The following ADAMTS17 variants were observed in gnomAD, a reference collection of about 807,000 sequenced individuals.
ADAMTS17 encodes A disintegrin and metalloproteinase with thrombospondin motifs 17.
Under a neutral mutation model 141.5 loss-of-function variants are expected in ADAMTS17, and 113 were observed. That is an observed-to-expected ratio of 0.80 (90% confidence interval 0.69 to 0.93). The LOEUF is 0.93. Ranked by LOEUF, ADAMTS17 falls within the 40% of genes least tolerant of loss-of-function variation. The pLI, the probability that ADAMTS17 is intolerant of heterozygous loss-of-function variation, is 0.00. For missense variants in ADAMTS17, 1,659 were observed against 1,517.9 expected (o/e 1.09, Z -1.54); for synonymous variants, 768 against 630.6 (o/e 1.22, Z -3.27).
chr15:99,974,371 CTGAGCTT>C lies in ADAMTS17; in HGVS notation c.*24_*30del. The C allele has an allele frequency of 6.2e-7, 1 of 1,613,736 alleles. No homozygotes were observed. Among genetic ancestry groups the C allele is most frequent in the Non-Finnish European group, 8.5e-7 (1 of 1,180,016 alleles). On this transcript the variant is annotated 3_prime_UTR_variant, in exon 22 of 22. Coordinates refer to ENST00000268070, the MANE Select transcript of ADAMTS17 (RefSeq NM_139057.4). Reference sequence around the variant, plus strand: ...GGGTGGGTGGGTTTCAGACCTGAGTCTGAGCTTTGAGCGACCCTTGGGACTGCGTGTC... The same window carrying C: ...GGGTGGGTGGGTTTCAGACCTGAGTCTGAGCGACCCTTGGGACTGCGTGTC...
At chr15:100,287,149 C>A (rs139422075) in intron 3 of ADAMTS17, among the ~76,000 whole-genome samples, 1 of 152,106 alleles carries the variant, frequency 6.6e-6, no homozygotes, top group Non-Finnish European at 1.5e-5. Flanking sequence ...GATCACGCCA[C>A]CACACTCCAG....
chr15:100,330,851 G>A (rs372507296), intron 3 of ADAMTS17, 38 bp downstream of exon 3: 109 of 1,609,144 alleles, frequency 6.8e-5, no homozygotes, highest in Non-Finnish European at 8.3e-5. Context: ...TGGGCTGTGC[G>A]TGTGTTCTAA....
rs530763650 is a variant in ADAMTS17 at position 100,326,117 on chromosome 15, C to T, written c.616+4772G>A. Among the ~76,000 whole-genome samples the T allele has an allele frequency of 4.0e-4, 61 of 152,284 alleles. 1 individual carries two copies. Among genetic ancestry groups the T allele is most frequent in the African/African-American group, 1.4e-3 (59 of 41,554 alleles). ...GGTTACAGCAAAGGGAACAGAATTGCGCCTCTACCATGGTTCTTTTTTCTC... is the reference window on the plus strand; with the variant it reads ...GGTTACAGCAAAGGGAACAGAATTGTGCCTCTACCATGGTTCTTTTTTCTC... On this transcript the variant is annotated intron_variant, in intron 3 of 21. Coordinates refer to ENST00000268070, the MANE Select transcript of ADAMTS17 (RefSeq NM_139057.4).
chr15:100,223,248 G>A (rs1278261889), intron 7 of ADAMTS17, among the ~76,000 whole-genome samples: 4 of 152,192 alleles, frequency 2.6e-5, no homozygotes, highest in Admixed American at 6.5e-5. Context: ...CTGCTGCCAC[G>A]TGGGGATGTG....
chr15:100,267,010 C>T (rs969777099), intron 4 of ADAMTS17, among the ~76,000 whole-genome samples: 1 of 152,134 alleles, frequency 6.6e-6, no homozygotes, highest in African/African-American at 2.4e-5. Context: ...ACAAACAGAA[C>T]ATAAAATTTA....
chr15:100,086,048 T>C (rs1039495488), intron 15 of ADAMTS17, among the ~76,000 whole-genome samples: 75 of 150,646 alleles, frequency 5.0e-4, no homozygotes, highest in Admixed American at 1.3e-3. Flanking sequence ...AGACACAGAC[T>C]AGCAAACTGG....
chr15:100,292,582 C>G (rs2044683364), intron 3 of ADAMTS17, among the ~76,000 whole-genome samples: 1 of 152,002 alleles, frequency 6.6e-6, no homozygotes, highest in African/African-American at 2.4e-5. Context: ...TTATGAGAGA[C>G]ACTAACCCCG....
intron 7 of ADAMTS17, among the ~76,000 whole-genome samples, chr15:100,209,627 A>AAG (rs1194153745): frequency 6.6e-6 from 1 of 152,126 alleles, no homozygotes. Flanking sequence ...CCTCTTAGAA[A>AAG]AGAATGTTGA....
intron 15 of ADAMTS17, among the ~76,000 whole-genome samples, chr15:100,059,783 T>C (rs2032973027): frequency 6.6e-6 from 1 of 152,168 alleles, no homozygotes; most frequent in Non-Finnish European, 1.5e-5. Context: ...GAGTGGGGTC[T>C]GCAAAGGCCT....
chr15:100,106,920 G>A (rs1053609660), intron 14 of ADAMTS17, among the ~76,000 whole-genome samples: 4 of 152,208 alleles, frequency 2.6e-5, no homozygotes, highest in Non-Finnish European at 5.9e-5. Context: ...GCAGCCAGGA[G>A]GGGCCAGCTC....
rs966897415 is a variant in ADAMTS17 at position 100,148,546 on chromosome 15, G to A, written c.1473+4066C>T. ...CTTTTTTTTTTTAGTACTTTACAATGTTTCTCTGTTGTCCTTTCACTTACA... is the reference window on the plus strand; with the variant it reads ...CTTTTTTTTTTTAGTACTTTACAATATTTCTCTGTTGTCCTTTCACTTACA... On this transcript the variant is annotated intron_variant, in intron 10 of 21. Coordinates refer to ENST00000268070, the MANE Select transcript of ADAMTS17 (RefSeq NM_139057.4). Among the ~76,000 whole-genome samples, 10 of 151,298 alleles carry A rather than the reference G, an allele frequency of 6.6e-5. No homozygotes were observed. The East Asian group carries it at 1.7e-3, about 26-fold the overall frequency.
chr15:100,188,307 C>T (rs2040794676), intron 8 of ADAMTS17, among the ~76,000 whole-genome samples: 1 of 151,900 alleles, frequency 6.6e-6, no homozygotes, highest in Non-Finnish European at 1.5e-5. Flanking sequence ...AAACTCCTGA[C>T]CTCAGGTGAT....
In ADAMTS17 at chr15:100,158,752, T is replaced by C. The variant is rs74570768; in HGVS notation, c.1182-3432A>G. ...AACGGATTAAGTTTTAAAATATATATGAAGCTCCTACAACTCAATAGCAAA... is the reference window on the plus strand; with the variant it reads ...AACGGATTAAGTTTTAAAATATATACGAAGCTCCTACAACTCAATAGCAAA... On this transcript the variant is annotated intron_variant, in intron 8 of 21. Transcript: ENST00000268070. Among the ~76,000 whole-genome samples the C allele has an allele frequency of 7.7e-3, 1,173 of 152,302 alleles. 9 individuals are homozygous for C. The highest frequency in any genetic ancestry group is 0.022 in the African/African-American group (928 of 41,562).
At chr15:100,163,574 C>G (rs1027481075) in intron 8 of ADAMTS17, among the ~76,000 whole-genome samples, 1 of 152,192 alleles carries the variant, frequency 6.6e-6, no homozygotes, top group Non-Finnish European at 1.5e-5. Flanking sequence ...CAGCCTCAAA[C>G]TCCTGGCCTC....
At chr15:100,138,415 TTACA>T (rs2038448475) in intron 10 of ADAMTS17, among the ~76,000 whole-genome samples, 2 of 152,028 alleles carry the variant, frequency 1.3e-5, no homozygotes, top group South Asian at 4.1e-4. Flanking sequence ...GAAGATGAGA[TTACA>T]TAAACAAGCT....
chr15:99,984,495 T>C (rs2060545580), intron 20 of ADAMTS17, among the ~76,000 whole-genome samples: 1 of 152,192 alleles, frequency 6.6e-6, no homozygotes, highest in Non-Finnish European at 1.5e-5. Context: ...GAAATGAGAT[T>C]CTGATGAGAG....
At chr15:100,328,592 T>C (rs1328110431) in intron 3 of ADAMTS17, among the ~76,000 whole-genome samples, 1 of 152,092 alleles carries the variant, frequency 6.6e-6, no homozygotes, top group Admixed American at 6.5e-5. Context: ...GTGGCTGCTC[T>C]TGTTTTAACT....
chr15:100,248,745 G>A (rs1428732725), intron 7 of ADAMTS17, among the ~76,000 whole-genome samples: 2 of 152,018 alleles, frequency 1.3e-5, no homozygotes, highest in Non-Finnish European at 2.9e-5. Flanking sequence ...TTCCAGCGAA[G>A]CCTAAGAAGT....
chr15:100,291,614 G>C (rs1039370041), intron 3 of ADAMTS17, among the ~76,000 whole-genome samples: 3 of 151,968 alleles, frequency 2.0e-5, no homozygotes, highest in Non-Finnish European at 2.9e-5. Flanking sequence ...ATGGTAGACT[G>C]GTAAACAAAA....
Sources: gnomAD v4.1 joint callset for allele counts (sites outside exome capture counted in the v4.1 genomes callset) on GRCh38, gnomAD v4.1.1 for gene constraint, MANE v1.5 for transcripts, NCBI Gene and HGNC (gene_info 2026-07-23, HGNC 2026-07-21) for gene names.